The following MAD1L1 variants were observed in gnomAD, a reference collection of about 807,000 sequenced individuals.
The protein encoded by MAD1L1 is mitotic arrest deficient 1 like 1.
In MAD1L1, 95 loss-of-function variants were observed where a neutral mutation model predicts 96.9. The observed-to-expected ratio is 0.98, with a 90% CI of 0.83 to 1.16. The LOEUF is 1.16. Ranked by LOEUF, MAD1L1 falls within the 50% of genes most tolerant of loss-of-function variation. The pLI is 0.00. For synonymous variants in MAD1L1, 473 were observed against 396.6 expected (o/e 1.19, Z -2.29); for missense variants, 1,007 against 954.4 (o/e 1.06, Z -0.73).
At chr7:2,046,699 G>A (rs755997936) in intron 12 of MAD1L1, among the ~76,000 whole-genome samples, 1 of 152,132 alleles carries the variant, frequency 6.6e-6, no homozygotes, top group Non-Finnish European at 1.5e-5. Flanking sequence ...AGGGGTGAGC[G>A]CTGCCCGCCT....
chr7:1,988,326 GT>G (rs1328342765), intron 14 of MAD1L1, among the ~76,000 whole-genome samples: 1 of 152,140 alleles, frequency 6.6e-6, no homozygotes, highest in Admixed American at 6.5e-5. Context: ...CAGCCCGGCC[GT>G]CCCCCGTTCA....
At chr7:1,830,802 C>T (rs1390318556) in intron 18 of MAD1L1, among the ~76,000 whole-genome samples, 1 of 151,950 alleles carries the variant, frequency 6.6e-6, no homozygotes, top group Non-Finnish European at 1.5e-5. Context: ...GTAAAAAATT[C>T]AATCCAAGAA....
At chr7:2,095,088 G>T (rs1342246762) in intron 11 of MAD1L1, among the ~76,000 whole-genome samples, 1 of 151,924 alleles carries the variant, frequency 6.6e-6, no homozygotes, top group Non-Finnish European at 1.5e-5. Context: ...TGTCGCCTAG[G>T]CTGGAGTGCA....
At position 1,831,157 on chromosome 7, in the gene MAD1L1, C is replaced by T. The variant is rs538050390; in HGVS notation, c.1999-14929G>A. ...ACTGCATTTTTTACAAGTTTAAGGT[C>T]TGTGTCTGGCAAGTCTATTGGCACT... On this transcript the variant is annotated intron_variant, in intron 18 of 18. Transcript: ENST00000265854. Among the ~76,000 whole-genome samples the T allele has an allele frequency of 2.6e-5, 4 of 152,370 alleles. No individual in the cohort carries two copies. In the South Asian group the frequency reaches 6.2e-4, roughly 24 times the overall value.
At chr7:2,109,348 A>T (rs942851142) in intron 11 of MAD1L1, 3 of 152,272 alleles carry the variant, frequency 2.0e-5, no homozygotes, top group Non-Finnish European at 2.9e-5. Flanking sequence ...CGGCTGCAGC[A>T]GCCGCAGGGA....
chr7:1,931,992 CAA>C (rs1199805935), intron 17 of MAD1L1, among the ~76,000 whole-genome samples: 1 of 152,192 alleles, frequency 6.6e-6, no homozygotes, highest in Non-Finnish European at 1.5e-5. Flanking sequence ...AGGAGGCTGC[CAA>C]AGAGTGACCC....
intron 14 of MAD1L1, among the ~76,000 whole-genome samples, chr7:1,983,397 TG>T (rs1360587629): frequency 1.3e-5 from 2 of 152,226 alleles, no homozygotes; most frequent in African/African-American, 4.8e-5. Flanking sequence ...ATGGCAATTT[TG>T]GGACAACGTT....
intron 15 of MAD1L1, among the ~76,000 whole-genome samples, chr7:1,960,692 T>C (rs1158941329): frequency 1.3e-5 from 2 of 152,210 alleles, no homozygotes; most frequent in African/African-American, 2.4e-5. Context: ...AGACGGGTCC[T>C]CAATGACAAT....
At chr7:2,181,879 G>A (rs997738506) in intron 10 of MAD1L1, among the ~76,000 whole-genome samples, 2 of 152,084 alleles carry the variant, frequency 1.3e-5, no homozygotes, top group Admixed American at 6.5e-5. Context: ...GGCATTTGCA[G>A]CAACGTGGAT....
At chr7:2,090,873 G>A (rs1786176341) in intron 11 of MAD1L1, among the ~76,000 whole-genome samples, 1 of 152,214 alleles carries the variant, frequency 6.6e-6, no homozygotes, top group Non-Finnish European at 1.5e-5. Flanking sequence ...AGGTCACGGA[G>A]CCTGGCCTAC....
chr7:2,148,170 C>T (rs1789400393), intron 11 of MAD1L1, among the ~76,000 whole-genome samples: 1 of 152,188 alleles, frequency 6.6e-6, no homozygotes, highest in African/African-American at 2.4e-5. Context: ...GTGACATCAG[C>T]CCCCAAAATA....
At chr7:1,876,846 C>T (rs566887264) in intron 18 of MAD1L1, among the ~76,000 whole-genome samples, 4 of 146,522 alleles carry the variant, frequency 2.7e-5, no homozygotes, top group South Asian at 4.6e-4. Context: ...CAAGGCCACA[C>T]GCACAGGATG....
intron 17 of MAD1L1, among the ~76,000 whole-genome samples, chr7:1,920,629 C>T (rs771855937): frequency 1.3e-5 from 2 of 152,162 alleles, no homozygotes; most frequent in East Asian, 1.9e-4. Context: ...TAAGACCTCA[C>T]GTTCCACAGC....
At chr7:2,109,290 C>G (rs898440274) in intron 11 of MAD1L1, among the ~76,000 whole-genome samples, 1 of 152,234 alleles carries the variant, frequency 6.6e-6, no homozygotes, top group Non-Finnish European at 1.5e-5. Flanking sequence ...CTGCCTTAAG[C>G]AGCCCATGAG....
chr7:2,059,426 G>A (rs536973570), intron 12 of MAD1L1, among the ~76,000 whole-genome samples: 13 of 147,314 alleles, frequency 8.8e-5, no homozygotes, highest in Non-Finnish European at 1.5e-4. Context: ...GGAGAGGCAC[G>A]GGGTTGGAGA....
intron 11 of MAD1L1, among the ~76,000 whole-genome samples, chr7:2,071,442 T>C (rs538096902): frequency 6.6e-6 from 1 of 152,284 alleles, no homozygotes; most frequent in African/African-American, 2.4e-5. Context: ...TCTTGTGAAA[T>C]ATGTAACTGA....
At chr7:2,093,812 A>G (rs1786338095) in intron 11 of MAD1L1, among the ~76,000 whole-genome samples, 1 of 152,166 alleles carries the variant, frequency 6.6e-6, no homozygotes, top group South Asian at 2.1e-4. Flanking sequence ...GGAACGCGGA[A>G]CCCAGGAACG....
intron 12 of MAD1L1, among the ~76,000 whole-genome samples, chr7:2,043,243 C>G (rs1012799562): frequency 3.3e-5 from 5 of 152,144 alleles, no homozygotes; most frequent in African/African-American, 1.2e-4. Context: ...CGCCCCTGTC[C>G]CATCGGAGGG....
At position 1,827,600 on chromosome 7, in the gene MAD1L1, C is replaced by T. The variant is rs1172516323; in HGVS notation, c.1999-11372G>A. ...GCATCCTCCCCTCCTGAGCCCGTCCCGGGTGTGGGGTCCTCCCCTCCTGAG... is the reference window on the plus strand; with the variant it reads ...GCATCCTCCCCTCCTGAGCCCGTCCTGGGTGTGGGGTCCTCCCCTCCTGAG... On this transcript the variant is annotated intron_variant, in intron 18 of 18. Coordinates refer to ENST00000265854, the MANE Select transcript of MAD1L1 (RefSeq NM_001013836.2). Among the ~76,000 whole-genome samples, 4 of 115,344 alleles carry T rather than the reference C, an allele frequency of 3.5e-5. 1 individual carries two copies. The highest frequency in any genetic ancestry group is 2.7e-4 in the East Asian group (1 of 3,672). The allele number at this position is 115,344 out of a possible 152,430, so 75.7% of individuals were successfully genotyped here.
Sources: allele counts gnomAD v4.1 joint callset (sites outside exome capture counted in the v4.1 genomes callset), GRCh38; gene constraint gnomAD v4.1.1; transcripts MANE v1.5; gene names NCBI Gene and HGNC (gene_info 2026-07-23, HGNC 2026-07-21).